Variants in DCAF6 observed in about 807,000 individuals in gnomAD.
DCAF6 encodes DDB1 and CUL4 associated factor 6, also known as DDB1- and CUL4-associated factor 6.
In DCAF6, 54 loss-of-function variants were observed where a neutral mutation model predicts 125.1. That is an observed-to-expected ratio of 0.43 (90% CI 0.35 to 0.54). The LOEUF is 0.54. DCAF6 is among the 20% of genes least tolerant of loss of function. The probability of loss-of-function intolerance (pLI) is 0.01; values close to 1 mark genes in which losing one functional copy is unlikely to be tolerated. For missense variants in DCAF6, 934 were observed against 1,161.7 expected (o/e 0.80, Z 2.85); for synonymous variants, 371 against 390.4 (o/e 0.95, Z 0.58).
intron 10 of DCAF6, among the ~76,000 whole-genome samples, chr1:168,008,338 G>A (rs1220940218): frequency 1.3e-5 from 2 of 152,056 alleles, no homozygotes; most frequent in East Asian, 3.9e-4. Context: ...TTCCTGTTCC[G>A]TAATTGGCTC....
chr1:167,924,704 C>G, the DCAF6 span, among the ~76,000 whole-genome samples: 8 of 152,148 alleles, frequency 5.3e-5, no homozygotes, highest in African/African-American at 1.9e-4. Flanking sequence ...TTTAGAGAGG[C>G]ACCACAGTAT....
At chr1:168,041,984 A>T (rs1184567957) in intron 13 of DCAF6, among the ~76,000 whole-genome samples, 1 of 151,478 alleles carries the variant, frequency 6.6e-6, no homozygotes, top group Non-Finnish European at 1.5e-5. Context: ...CATGACACTC[A>T]ACACTGATGC....
intron 4 of DCAF6, among the ~76,000 whole-genome samples, chr1:167,980,916 CTT>C (rs71100920): frequency 5.3e-5 from 6 of 113,598 alleles, no homozygotes; most frequent in Non-Finnish European, 7.2e-5. Flanking sequence ...TCTGAATTTT[CTT>C]TTTTTTTTTT....
chr1:168,026,739 G>A (rs1557996184), intron 12 of DCAF6, among the ~76,000 whole-genome samples: 1 of 152,024 alleles, frequency 6.6e-6, no homozygotes, highest in Non-Finnish European at 1.5e-5. Context: ...AGTTTGAAGT[G>A]TCTTTGGATA....
the DCAF6 span, among the ~76,000 whole-genome samples, chr1:167,873,853 A>T: frequency 6.6e-6 from 1 of 152,358 alleles, no homozygotes; most frequent in East Asian, 1.9e-4. Flanking sequence ...TGATTACATT[A>T]AAGTTAAGAA....
At chr1:168,068,310 A>C (rs1043905729) in intron 20 of DCAF6, 48 bp from the exon 21 acceptor site, 1 of 1,384,514 alleles carries the variant, frequency 7.2e-7, no homozygotes, top group Non-Finnish European at 1.0e-6. Flanking sequence ...CAAGGAAAAA[A>C]TACAGTTACT....
chr1:167,969,402 A>T (rs552543807), intron 3 of DCAF6: 1 of 151,880 alleles, frequency 6.6e-6, no homozygotes, highest in African/African-American at 2.4e-5. Flanking sequence ...GGGATAACAT[A>T]TGAGTTCTAA....
chr1:167,966,793 G>C lies in DCAF6; in HGVS notation c.252+72G>C, dbSNP rs190487700. The C allele has an allele frequency of 1.5e-4, 142 of 938,814 alleles. No homozygotes were observed. In the East Asian group the frequency reaches 3.4e-3, roughly 22 times the overall value. 58.2% of individuals were successfully genotyped at this position (938,814 alleles called of 1,614,324 possible). A position where few individuals can be genotyped will look rare whatever the true frequency, so the allele number is the denominator to read the frequency against. ...AAGAAGGCAGAAATGAAGAAACTGT[G>C]AACAGTCATAGAATGGGCATTTATA... On this transcript the variant is annotated intron_variant, in intron 3 of 21. Transcript: ENST00000367840.
the DCAF6 span, chr1:167,896,582 G>A: frequency 1.3e-6 from 2 of 1,594,058 alleles, no homozygotes; most frequent in Non-Finnish European, 1.7e-6. Flanking sequence ...ATTTTTCCAT[G>A]GTGGGTACTT....
intron 4 of DCAF6, 58 bp downstream of exon 4, chr1:167,975,073 T>A: frequency 8.6e-7 from 1 of 1,158,270 alleles, no homozygotes. Flanking sequence ...TTTGATTAAG[T>A]ACATACATGT....
chr1:168,032,982 C>T (rs1277279365), intron 12 of DCAF6, among the ~76,000 whole-genome samples: 1 of 151,882 alleles, frequency 6.6e-6, no homozygotes, highest in Non-Finnish European at 1.5e-5. Context: ...ACATTTTGAA[C>T]AGTATTTAAA....
intron 12 of DCAF6, among the ~76,000 whole-genome samples, chr1:168,032,824 C>T (rs918455363): frequency 5.9e-5 from 9 of 152,042 alleles, no homozygotes; most frequent in Admixed American, 1.3e-4. Context: ...CATGGTGGTT[C>T]TAAAGAAATT....
chr1:168,009,900 C>CT (rs1684051167), intron 10 of DCAF6, among the ~76,000 whole-genome samples: 1 of 144,340 alleles, frequency 6.9e-6, no homozygotes, highest in Non-Finnish European at 1.5e-5. Context: ...CTTGTTGTCT[C>CT]TGAGTAAGCA....
chr1:167,974,673 C>G (rs1677866274), intron 3 of DCAF6, among the ~76,000 whole-genome samples, 157 bp from the exon 4 acceptor site: 1 of 152,024 alleles, frequency 6.6e-6, no homozygotes, highest in African/African-American at 2.4e-5. Flanking sequence ...ATATGGGATT[C>G]TGATTTTTTT....
At chr1:168,032,678 C>T (rs1457398998) in intron 12 of DCAF6, among the ~76,000 whole-genome samples, 1 of 152,084 alleles carries the variant, frequency 6.6e-6, no homozygotes, top group Non-Finnish European at 1.5e-5. Context: ...ATACACACAT[C>T]GTTATACAAT....
intron 12 of DCAF6, among the ~76,000 whole-genome samples, chr1:168,029,425 T>C (rs1210647507): frequency 3.9e-5 from 6 of 152,206 alleles, no homozygotes; most frequent in Non-Finnish European, 2.9e-5. Flanking sequence ...CCTACCTACC[T>C]TGTGGCAAGT....
rs758736718 is a variant in DCAF6 at position 167,974,919 on chromosome 1, C to T, written c.342C>T (p.Cys114=). ...PCTNDKQIVS[C]SGDGVIFYTN... is the part of the protein sequence containing the mutation. ...CAAATGATAAACAGATTGTATCCTGCTCTGGAGATGGAGTAATATTTTATA... is the reference window on the plus strand; with the variant it reads ...CAAATGATAAACAGATTGTATCCTGTTCTGGAGATGGAGTAATATTTTATA... The change falls in exon 4 of 22, where the codon TGC becomes TGT. Residue 114 remains cysteine (C), a synonymous_variant. Coordinates refer to ENST00000367840, the MANE Select transcript of DCAF6 (RefSeq NM_001198956.2). 2 of 1,609,116 alleles carry T rather than the reference C, an allele frequency of 1.2e-6. No homozygotes were observed. Among genetic ancestry groups the T allele is most frequent in the Admixed American group, 3.4e-5 (2 of 59,536 alleles).
chr1:168,044,400 A>G (rs1393314008), intron 14 of DCAF6, among the ~76,000 whole-genome samples, 185 bp from the exon 15 acceptor site: 1 of 152,202 alleles, frequency 6.6e-6, no homozygotes, highest in African/African-American at 2.4e-5. Flanking sequence ...TTTACATTGC[A>G]TTAGGTATTA....
intron 4 of DCAF6, among the ~76,000 whole-genome samples, chr1:167,982,602 C>A (rs1679365293): frequency 6.6e-6 from 1 of 152,028 alleles, no homozygotes; most frequent in South Asian, 2.1e-4. Context: ...TTCTTTCATT[C>A]TTTAGGTTGT....
Sources: gnomAD v4.1 joint callset for allele counts (sites outside exome capture counted in the v4.1 genomes callset) on GRCh38, gnomAD v4.1.1 for gene constraint, MANE v1.5 for transcripts, NCBI Gene and HGNC (gene_info 2026-07-23, HGNC 2026-07-21) for gene names.